PTPRG: variants seen among roughly 807,000 people sequenced by gnomAD.
PTPRG encodes the protein protein tyrosine phosphatase receptor type G.
In PTPRG, 102 loss-of-function variants were observed where a neutral mutation model predicts 165.3. The ratio of observed to expected loss-of-function variants is 0.62; its 90% CI spans 0.53 to 0.73. PTPRG has a LOEUF of 0.73. Ranked by LOEUF, PTPRG falls within the 30% of genes least tolerant of loss-of-function variation. The probability of loss-of-function intolerance (pLI) is 0.00; values close to 1 mark genes in which losing one functional copy is unlikely to be tolerated. For synonymous variants in PTPRG, 675 were observed against 669.5 expected (o/e 1.01, Z -0.13); for missense variants, 1,866 against 1,861.4 (o/e 1.00, Z -0.05).
At chr3:62,106,896 G>A (rs1283819017) in intron 5 of PTPRG, among the ~76,000 whole-genome samples, 1 of 152,162 alleles carries the variant, frequency 6.6e-6, no homozygotes, top group African/African-American at 2.4e-5. Flanking sequence ...GGAATCATAT[G>A]GTTTCCATAG....
At chr3:61,643,681 C>G (rs1231953953) in intron 1 of PTPRG, among the ~76,000 whole-genome samples, 3 of 151,774 alleles carry the variant, frequency 2.0e-5, no homozygotes, top group African/African-American at 7.3e-5. Context: ...GAGAATTGCT[C>G]TAACCAGGGA....
At chr3:61,984,373 A>T (rs1406332053) in intron 2 of PTPRG, among the ~76,000 whole-genome samples, 1 of 152,106 alleles carries the variant, frequency 6.6e-6, no homozygotes, top group Admixed American at 6.6e-5. Flanking sequence ...TCTTTACCGT[A>T]GTCTCTTGTT....
At chr3:61,564,043 A>G (rs1394387708) in intron 1 of PTPRG, among the ~76,000 whole-genome samples, 1 of 152,076 alleles carries the variant, frequency 6.6e-6, no homozygotes, top group African/African-American at 2.4e-5. Flanking sequence ...CCTCTACGGT[A>G]GGACACTGGG....
intron 5 of PTPRG, among the ~76,000 whole-genome samples, chr3:62,106,251 A>C (rs1478548269): frequency 6.6e-6 from 1 of 152,190 alleles, no homozygotes; most frequent in Non-Finnish European, 1.5e-5. Flanking sequence ...TCACCAATTC[A>C]CAGTGAGTGA....
At chr3:61,936,793 A>C (rs2039494807) in intron 2 of PTPRG, among the ~76,000 whole-genome samples, 1 of 152,202 alleles carries the variant, frequency 6.6e-6, no homozygotes, top group Non-Finnish European at 1.5e-5. Flanking sequence ...CATGAAGAGA[A>C]TTACCAGAAG....
At chr3:62,136,909 C>G (rs1046867855) in intron 6 of PTPRG, among the ~76,000 whole-genome samples, 1 of 152,168 alleles carries the variant, frequency 6.6e-6, no homozygotes, top group Non-Finnish European at 1.5e-5. Context: ...AATACAGTAA[C>G]ATTGCTTCTC....
chr3:61,583,824 T>G (rs973036387), intron 1 of PTPRG, among the ~76,000 whole-genome samples: 1 of 152,178 alleles, frequency 6.6e-6, no homozygotes, highest in Non-Finnish European at 1.5e-5. Context: ...ATTGTTTGGT[T>G]CTTGGTTGGT....
chr3:61,712,044 C>T, intron 1 of PTPRG, among the ~76,000 whole-genome samples: 1 of 152,034 alleles, frequency 6.6e-6, no homozygotes, highest in South Asian at 2.1e-4. Flanking sequence ...TAGGCACCTG[C>T]TACCATGCCC....
intron 1 of PTPRG, among the ~76,000 whole-genome samples, chr3:61,744,852 T>C (rs2033135450): frequency 6.6e-6 from 1 of 152,180 alleles, no homozygotes; most frequent in Admixed American, 6.5e-5. Flanking sequence ...TTTTGCTTCA[T>C]GTATTAAATG....
intron 4 of PTPRG, among the ~76,000 whole-genome samples, chr3:62,010,673 A>T (rs866209361): frequency 1.3e-5 from 2 of 152,292 alleles, no homozygotes; most frequent in Middle Eastern, 3.4e-3. Flanking sequence ...TAAAATAAAA[A>T]ATAAAACTAT....
At chr3:62,129,123 A>G (rs1454978182) in intron 5 of PTPRG, among the ~76,000 whole-genome samples, 4 of 152,138 alleles carry the variant, frequency 2.6e-5, no homozygotes, top group Middle Eastern at 3.2e-3. Flanking sequence ...AAGGCTTTGC[A>G]TTTGTGCAGT....
intron 8 of PTPRG, among the ~76,000 whole-genome samples, chr3:62,172,159 A>C (rs963790823): frequency 2.6e-5 from 4 of 152,192 alleles, no homozygotes; most frequent in African/African-American, 7.2e-5. Context: ...GTTAATGGAC[A>C]TTGAGTTTTT....
intron 2 of PTPRG, among the ~76,000 whole-genome samples, chr3:61,958,171 G>T (rs1344624851): frequency 6.6e-6 from 1 of 151,550 alleles, no homozygotes; most frequent in Admixed American, 6.6e-5. Context: ...CTGTTGCCCA[G>T]GCTGGAGTGC....
Position 61,562,627 on chromosome 3 carries a change from C to T in PTPRG, c.85+255C>T, listed in dbSNP as rs368163413. On this transcript the variant is annotated intron_variant, in intron 1 of 29. Transcript: ENST00000474889. ...TGGGGGACGCGGGGGTCTGCTCCCG[C>T]TCCCTTTTGGGGGTCCTGGGGAGCT... Among the ~76,000 whole-genome samples, 528 of 151,690 alleles carry T rather than the reference C, an allele frequency of 3.5e-3. 5 individuals carry two copies. The highest frequency in any genetic ancestry group is 0.013 in the South Asian group (61 of 4,802).
intron 4 of PTPRG, among the ~76,000 whole-genome samples, chr3:62,037,238 T>C (rs1299896604): frequency 6.6e-6 from 1 of 152,124 alleles, no homozygotes; most frequent in Non-Finnish European, 1.5e-5. Context: ...TAAGGATACA[T>C]TTGCTCATAT....
intron 4 of PTPRG, among the ~76,000 whole-genome samples, chr3:62,060,794 C>T (rs349152): frequency 0.017 from 2,605 of 152,094 alleles, 83 homozygotes; most frequent in African/African-American, 0.059. Flanking sequence ...CAGAGGTAAC[C>T]GAAGTTAAAT....
intron 4 of PTPRG, among the ~76,000 whole-genome samples, chr3:62,004,640 C>T (rs555452286): frequency 4.0e-4 from 61 of 152,284 alleles, no homozygotes; most frequent in African/African-American, 1.2e-3. Context: ...CCTTCCTTGG[C>T]GATGCTTGTG....
chr3:61,726,617 C>T (rs1396611993), intron 1 of PTPRG, among the ~76,000 whole-genome samples: 1 of 152,090 alleles, frequency 6.6e-6, no homozygotes, highest in Non-Finnish European at 1.5e-5. Flanking sequence ...AATGCATGCC[C>T]CCTAAATTGC....
At chr3:61,586,244 T>A (rs1307304384) in intron 1 of PTPRG, among the ~76,000 whole-genome samples, 3 of 152,086 alleles carry the variant, frequency 2.0e-5, no homozygotes, top group African/African-American at 7.2e-5. Flanking sequence ...GACAAGTTCT[T>A]CAGTGGGAAA....
Sources: allele counts gnomAD v4.1 joint callset (sites outside exome capture counted in the v4.1 genomes callset), GRCh38; gene constraint gnomAD v4.1.1; transcripts MANE v1.5; gene names NCBI Gene and HGNC (gene_info 2026-07-23, HGNC 2026-07-21).